CFAP299: variants seen among roughly 807,000 people sequenced by gnomAD.
The protein encoded by CFAP299 is cilia- and flagella-associated protein 299.
A neutral mutation model predicts 27.0 loss-of-function variants in CFAP299; 21 were observed. The ratio of observed to expected loss-of-function variants is 0.78; its 90% CI spans 0.55 to 1.12. The LOEUF (loss-of-function observed/expected upper bound fraction) is 1.12. CFAP299 is among the 50% of genes most tolerant of loss of function. The pLI is 0.00. For missense variants in CFAP299, 310 were observed against 276.6 expected (o/e 1.12, Z -0.86); for synonymous variants, 104 against 98.1 (o/e 1.06, Z -0.36).
intron 3 of CFAP299, among the ~76,000 whole-genome samples, chr4:80,670,169 T>C (rs560737238): frequency 6.6e-6 from 1 of 151,850 alleles, no homozygotes; most frequent in African/African-American, 2.4e-5. Flanking sequence ...CCCCCATGTG[T>C]GATGTTCCCC....
At chr4:80,958,070 T>C (rs1738155642) in intron 5 of CFAP299, among the ~76,000 whole-genome samples, 1 of 152,160 alleles carries the variant, frequency 6.6e-6, no homozygotes, top group Non-Finnish European at 1.5e-5. Context: ...GTCCTGCTGC[T>C]AGAAAACTAA....
chr4:80,359,098 G>A (rs952581296), intron 1 of CFAP299, among the ~76,000 whole-genome samples: 1 of 152,072 alleles, frequency 6.6e-6, no homozygotes, highest in African/African-American at 2.4e-5. Flanking sequence ...GGCCAAATAT[G>A]AAATTCTGGT....
intron 2 of CFAP299, among the ~76,000 whole-genome samples, chr4:80,534,445 A>G (rs1733630265): frequency 1.3e-5 from 2 of 151,878 alleles, no homozygotes; most frequent in South Asian, 4.1e-4. Context: ...ATTTATTCTT[A>G]GTTATATGTA....
intron 2 of CFAP299, among the ~76,000 whole-genome samples, chr4:80,461,654 C>T (rs1221611321): frequency 2.0e-5 from 3 of 152,056 alleles, no homozygotes; most frequent in African/African-American, 7.2e-5. Flanking sequence ...TTTAGAATGC[C>T]CTTGGCTAAG....
At chr4:80,915,802 T>C (rs749791260) in intron 4 of CFAP299, among the ~76,000 whole-genome samples, 4 of 152,128 alleles carry the variant, frequency 2.6e-5, no homozygotes, top group African/African-American at 7.2e-5. Flanking sequence ...TCAGGTATTA[T>C]ATATTTTCTC....
chr4:80,724,406 T>C (rs1036118582), intron 3 of CFAP299, among the ~76,000 whole-genome samples: 1 of 151,948 alleles, frequency 6.6e-6, no homozygotes, highest in Non-Finnish European at 1.5e-5. Context: ...AAATGAGTAA[T>C]TTTTTAATTA....
At chr4:80,354,898 C>A (rs995779801) in intron 1 of CFAP299, among the ~76,000 whole-genome samples, 2 of 152,106 alleles carry the variant, frequency 1.3e-5, no homozygotes, top group African/African-American at 2.4e-5. Flanking sequence ...ATATGTACCA[C>A]ATTTTCTTTA....
At chr4:80,897,821 C>A (rs1015173282) in intron 4 of CFAP299, among the ~76,000 whole-genome samples, 5 of 152,204 alleles carry the variant, frequency 3.3e-5, no homozygotes, top group African/African-American at 1.2e-4. Context: ...TTGATTTCCC[C>A]TGTGAGAGCT....
chr4:80,681,072 C>CA (rs1195865364), intron 3 of CFAP299, among the ~76,000 whole-genome samples: 1 of 152,112 alleles, frequency 6.6e-6, no homozygotes, highest in Non-Finnish European at 1.5e-5. Flanking sequence ...TTTTGAAGAA[C>CA]ATTGTTCTCA....
chr4:80,453,008 A>T (rs770891912), intron 2 of CFAP299, among the ~76,000 whole-genome samples: 37 of 152,330 alleles, frequency 2.4e-4, no homozygotes, highest in Middle Eastern at 3.4e-3. Context: ...TTGCACAGGG[A>T]TTGAGAGCAG....
At chr4:80,935,868 A>G (rs1264477423) in intron 4 of CFAP299, among the ~76,000 whole-genome samples, 1 of 152,120 alleles carries the variant, frequency 6.6e-6, no homozygotes, top group East Asian at 1.9e-4. Flanking sequence ...TTACAAGAAA[A>G]AACAAACAAC....
At chr4:80,322,394 A>ATACTTTCCTT in the CFAP299 span, among the ~76,000 whole-genome samples, 1 of 152,116 alleles carries the variant, frequency 6.6e-6, no homozygotes, top group Non-Finnish European at 1.5e-5. Flanking sequence ...CTCAGTCTTG[A>ATACTTTCCTT]TACTTTCCTG....
chr4:80,629,878 AAAAAAAC>A (rs1739116904), intron 3 of CFAP299, among the ~76,000 whole-genome samples: 1 of 80,330 alleles, frequency 1.2e-5, no homozygotes, highest in Admixed American at 1.6e-4. Flanking sequence ...CTGGAAAAAA[AAAAAAAC>A]AAAAAAAACA....
At chr4:80,913,555 A>C (rs1220709534) in intron 4 of CFAP299, among the ~76,000 whole-genome samples, 1 of 152,124 alleles carries the variant, frequency 6.6e-6, no homozygotes, top group Non-Finnish European at 1.5e-5. Flanking sequence ...TGGTGGTGTG[A>C]ACTATGGCAT....
At chr4:80,535,773 A>G (rs867083148) in intron 2 of CFAP299, among the ~76,000 whole-genome samples, 7 of 152,196 alleles carry the variant, frequency 4.6e-5, no homozygotes, top group African/African-American at 7.2e-5. Context: ...AAGTAAAAAT[A>G]GCTTTTGGGT....
intron 2 of CFAP299, among the ~76,000 whole-genome samples, chr4:80,463,894 T>C (rs966441955): frequency 3.3e-5 from 5 of 152,178 alleles, no homozygotes; most frequent in African/African-American, 1.2e-4. Context: ...TAACTTCACA[T>C]GCACAAACGT....
chr4:80,681,777 A>G (rs1719859571), intron 3 of CFAP299, among the ~76,000 whole-genome samples: 1 of 152,204 alleles, frequency 6.6e-6, no homozygotes, highest in African/African-American at 2.4e-5. Context: ...AATATTCTGT[A>G]AAGTCTTCTA....
At chr4:80,789,037 T>C (rs1343413407) in intron 3 of CFAP299, among the ~76,000 whole-genome samples, 1 of 152,104 alleles carries the variant, frequency 6.6e-6, no homozygotes, top group Admixed American at 6.6e-5. Flanking sequence ...ATACAGTTCT[T>C]GAATAATGTT....
intron 4 of CFAP299, among the ~76,000 whole-genome samples, chr4:80,885,918 G>A (rs904946014): frequency 6.6e-5 from 10 of 152,148 alleles, no homozygotes; most frequent in African/African-American, 1.2e-4. Context: ...CCTGAGTCCA[G>A]GCCTATCCTC....
Sources: gnomAD v4.1 joint callset for allele counts (sites outside exome capture counted in the v4.1 genomes callset) on GRCh38, gnomAD v4.1.1 for gene constraint, MANE v1.5 for transcripts, NCBI Gene and HGNC (gene_info 2026-07-23, HGNC 2026-07-21) for gene names.